Variants in HECW1 observed in about 807,000 individuals in gnomAD.
The protein encoded by HECW1 is E3 ubiquitin-protein ligase HECW1.
HECW1 carries 61 observed loss-of-function variants against 182.3 expected under a neutral mutation model. The observed-to-expected ratio is 0.33, with a 90% CI of 0.27 to 0.41. HECW1 has a LOEUF of 0.41. Ranked by LOEUF, HECW1 falls within the 10% of genes least tolerant of loss-of-function variation. The pLI is 1.00. For synonymous variants in HECW1, 859 were observed against 832.6 expected, an observed-to-expected ratio of 1.03 and a Z score of -0.55; for missense variants, 1,739 against 2,108.9, an observed-to-expected ratio of 0.82 and a Z score of 3.44.
intron 5 of HECW1, among the ~76,000 whole-genome samples, chr7:43,351,400 C>A (rs764266928): frequency 6.6e-6 from 1 of 152,090 alleles, no homozygotes; most frequent in Non-Finnish European, 1.5e-5. Context: ...TGCAGAGGGA[C>A]CAGTGGTGGG....
rs1221632515 is a variant in HECW1 at position 43,562,731 on chromosome 7, A to C, written c.*805A>C. Reference sequence around the variant, plus strand: ...AAACTTGTGCACATGTCCAAGAAAGAAAGCTTCTTGATTGAGGTAGCATGA... The same window carrying C: ...AAACTTGTGCACATGTCCAAGAAAGCAAGCTTCTTGATTGAGGTAGCATGA... On this transcript the variant is annotated 3_prime_UTR_variant, in exon 30 of 30. Coordinates refer to ENST00000395891, the MANE Select transcript of HECW1 (RefSeq NM_015052.5). The C allele has an allele frequency of 4.5e-6, 1 of 220,268 alleles. No homozygotes were observed. The highest frequency in any genetic ancestry group is 9.1e-6 in the Non-Finnish European group (1 of 109,688). The allele number at this position is 220,268 out of a possible 1,614,324, so 13.6% of individuals were successfully genotyped here.
chr7:43,147,591 C>T (rs1186588203), intron 2 of HECW1: 1 of 152,096 alleles, frequency 6.6e-6, no homozygotes, highest in African/African-American at 2.4e-5. Flanking sequence ...CAAAGGTAAA[C>T]AAAGAGTTTT....
At chr7:43,162,170 AAAAG>A (rs1228400512) in intron 2 of HECW1, among the ~76,000 whole-genome samples, 1 of 152,258 alleles carries the variant, frequency 6.6e-6, no homozygotes, top group Non-Finnish European at 1.5e-5. Flanking sequence ...AAGGAATTGA[AAAAG>A]AAAGCAAGAT....
intron 24 of HECW1, among the ~76,000 whole-genome samples, chr7:43,540,737 T>G (rs2081335245): frequency 6.6e-6 from 1 of 152,194 alleles, no homozygotes; most frequent in South Asian, 2.1e-4. Context: ...GCATGGACCT[T>G]AGGTAATGTA....
chr7:43,369,019 T>C (rs1388366558), intron 6 of HECW1, among the ~76,000 whole-genome samples: 11 of 152,210 alleles, frequency 7.2e-5, no homozygotes. Context: ...AGGACATCTA[T>C]GAAGCCCTGG....
chr7:43,187,054 T>G (rs1562648234), intron 2 of HECW1, among the ~76,000 whole-genome samples: 1 of 146,346 alleles, frequency 6.8e-6, no homozygotes, highest in Non-Finnish European at 1.5e-5. Context: ...GAGGTTGCAG[T>G]CAAGACGTCA....
intron 9 of HECW1, chr7:43,439,780 A>G (rs1206274304): frequency 2.0e-5 from 3 of 152,262 alleles, no homozygotes; most frequent in Non-Finnish European, 4.4e-5. Flanking sequence ...GCACATCCCC[A>G]GCTGAAAGCA....
At chr7:43,330,035 G>T (rs1035790542) in intron 5 of HECW1, among the ~76,000 whole-genome samples, 1 of 152,192 alleles carries the variant, frequency 6.6e-6, no homozygotes, top group African/African-American at 2.4e-5. Flanking sequence ...AGAGGAAGAA[G>T]AAGAGAAAGA....
rs1446856255 is a variant in HECW1, at chr7:43,244,079, C to T, written c.27+147C>T. On this transcript the variant is annotated intron_variant, in intron 3 of 29. Coordinates refer to ENST00000395891, the MANE Select transcript of HECW1 (RefSeq NM_015052.5). ...CAAGTGTGGCTGGACATTTGAGATC[C>T]ATCACCCTCCCTCCCCACCACCTGC... The T allele has an allele frequency of 4.7e-5, 34 of 727,836 alleles. No individual in the cohort carries two copies. In the Middle Eastern group the frequency reaches 1.4e-3, roughly 31 times the overall value. The allele number at this position is 727,836 out of a possible 1,614,324, so 45.1% of individuals were successfully genotyped here.
intron 16 of HECW1, among the ~76,000 whole-genome samples, chr7:43,476,990 A>T (rs922779243): frequency 1.3e-5 from 2 of 152,168 alleles, no homozygotes; most frequent in Non-Finnish European, 2.9e-5. Context: ...TTGGATAATA[A>T]ATAAGAAAAC....
chr7:43,221,962 A>T (rs1797022895), intron 2 of HECW1, among the ~76,000 whole-genome samples: 2 of 152,216 alleles, frequency 1.3e-5, no homozygotes, highest in African/African-American at 4.8e-5. Flanking sequence ...TGTAGTCCTT[A>T]GACCAGAGTG....
At chr7:43,315,783 C>A (rs951912122) in intron 4 of HECW1, among the ~76,000 whole-genome samples, 1 of 152,170 alleles carries the variant, frequency 6.6e-6, no homozygotes, top group Admixed American at 6.5e-5. Context: ...CGTGATCCAC[C>A]GCGCCTGGCC....
chr7:43,160,572 T>C (rs1385416976), intron 2 of HECW1, among the ~76,000 whole-genome samples: 2 of 152,230 alleles, frequency 1.3e-5, no homozygotes, highest in South Asian at 2.1e-4. Context: ...ATGTCACTTT[T>C]ATTCATCGCA....
At chr7:43,229,934 C>T (rs930263031) in intron 2 of HECW1, among the ~76,000 whole-genome samples, 7 of 152,162 alleles carry the variant, frequency 4.6e-5, no homozygotes, top group Non-Finnish European at 8.8e-5. Flanking sequence ...GCAAAAACCA[C>T]GGTAACTTTT....
intron 3 of HECW1, among the ~76,000 whole-genome samples, chr7:43,270,441 T>C (rs1480711137): frequency 1.3e-5 from 2 of 152,176 alleles, no homozygotes; most frequent in Non-Finnish European, 2.9e-5. Context: ...CCTCAAAGCA[T>C]GGCAGCTGCC....
chr7:43,240,837 C>A (rs770889277), intron 2 of HECW1, among the ~76,000 whole-genome samples: 2 of 152,150 alleles, frequency 1.3e-5, no homozygotes, highest in Non-Finnish European at 2.9e-5. Context: ...TGGCCTCAGG[C>A]AGGGCTGGGC....
intron 2 of HECW1, among the ~76,000 whole-genome samples, chr7:43,176,015 C>T (rs7810100): frequency 0.13 from 19,317 of 152,220 alleles, 1,588 homozygotes; most frequent in Non-Finnish European, 0.18. Context: ...TCTCAGTGAG[C>T]CATGTAGTGT....
chr7:43,358,818 CTTTTTTTTTTT>C (rs572118397), intron 5 of HECW1, among the ~76,000 whole-genome samples: 3 of 93,454 alleles, frequency 3.2e-5, no homozygotes, highest in Non-Finnish European at 6.3e-5. Flanking sequence ...AAAATATATT[CTTTTTTTTTTT>C]TTTTTTTTTT....
chr7:43,425,381 A>G (rs559169865), intron 8 of HECW1, among the ~76,000 whole-genome samples: 1 of 151,948 alleles, frequency 6.6e-6, no homozygotes, highest in Non-Finnish European at 1.5e-5. Flanking sequence ...GGGTATCTTA[A>G]TAATGTCTTG....
Sources: allele counts gnomAD v4.1 joint callset (sites outside exome capture counted in the v4.1 genomes callset), GRCh38; gene constraint gnomAD v4.1.1; transcripts MANE v1.5; gene names NCBI Gene and HGNC (gene_info 2026-07-23, HGNC 2026-07-21).